DLGAP2: variants seen among roughly 807,000 people sequenced by gnomAD.
DLGAP2 encodes the protein DLG associated protein 2.
DLGAP2 carries 26 observed loss-of-function variants against 100.3 expected under a neutral mutation model. That is an observed-to-expected ratio of 0.26 (90% confidence interval 0.19 to 0.36). The LOEUF (loss-of-function observed/expected upper bound fraction) is 0.36. DLGAP2 is among the 10% of genes least tolerant of loss of function. The pLI, the probability that DLGAP2 is intolerant of heterozygous loss-of-function variation, is 1.00. For synonymous variants in DLGAP2, 886 were observed against 630.1 expected, an observed-to-expected ratio of 1.41 and a Z score of -6.08; for missense variants, 1,858 against 1,453.2, an observed-to-expected ratio of 1.28 and a Z score of -4.53.
At chr8:961,034 C>A (rs926156986) in intron 2 of DLGAP2, among the ~76,000 whole-genome samples, 16 of 149,628 alleles carry the variant, frequency 1.1e-4, no homozygotes, top group Admixed American at 6.0e-4. Context: ...TCTGCACAGA[C>A]CCCCATGTTG....
intron 1 of DLGAP2, among the ~76,000 whole-genome samples, chr8:815,591 C>A (rs767068903): frequency 1.3e-5 from 2 of 152,256 alleles, no homozygotes; most frequent in South Asian, 4.1e-4. Flanking sequence ...AGGATAACAG[C>A]AAAATCCTAA....
chr8:914,221 G>A (rs1039199467), intron 2 of DLGAP2, among the ~76,000 whole-genome samples: 1 of 152,136 alleles, frequency 6.6e-6, no homozygotes, highest in Non-Finnish European at 1.5e-5. Context: ...GGGCTGAGCT[G>A]GAGGGAGGAA....
chr8:1,380,220 C>G (rs1190221916), intron 3 of DLGAP2: 2 of 152,218 alleles, frequency 1.3e-5, no homozygotes, highest in Non-Finnish European at 2.9e-5. Flanking sequence ...TCTCTCAGCA[C>G]TTCAGGCAGC....
At position 1,212,867 on chromosome 8, in the gene DLGAP2, A is replaced by G. The variant is rs953723529; in HGVS notation, c.74-45984A>G. Among the ~76,000 whole-genome samples the G allele has an allele frequency of 1.3e-4, 20 of 149,996 alleles. 1 individual carries two copies. Among genetic ancestry groups the G allele is most frequent in the Admixed American group, 9.5e-4 (14 of 14,756 alleles). On this transcript the variant is annotated intron_variant, in intron 2 of 14. Coordinates refer to ENST00000637795, the MANE Select transcript of DLGAP2 (RefSeq NM_001346810.2). Reference sequence around the variant, plus strand: ...TATATGTACTCATCTTCTCAAAAACATCACATATCTCTTAGTTTATACAAC... The same window carrying G: ...TATATGTACTCATCTTCTCAAAAACGTCACATATCTCTTAGTTTATACAAC...
chr8:1,257,201 C>T (rs1799243270), intron 2 of DLGAP2, among the ~76,000 whole-genome samples: 1 of 152,114 alleles, frequency 6.6e-6, no homozygotes, highest in Non-Finnish European at 1.5e-5. Flanking sequence ...CACCAACCCT[C>T]TCCCGCTCAC....
chr8:1,337,456 G>T (rs1361654677), intron 3 of DLGAP2, among the ~76,000 whole-genome samples: 6 of 2,268 alleles, frequency 2.6e-3, no homozygotes, highest in East Asian at 9.6e-3. Flanking sequence ...GGTGATGATG[G>T]TGAGAATGGT....
intron 5 of DLGAP2, 98 bp downstream of exon 5, chr8:1,549,781 T>G: frequency 7.8e-7 from 1 of 1,281,890 alleles, no homozygotes; most frequent in Non-Finnish European, 1.0e-6. Flanking sequence ...GCATACACAT[T>G]TAGGTTGTGC....
intron 3 of DLGAP2, among the ~76,000 whole-genome samples, chr8:1,373,221 C>T (rs1371049603): frequency 6.6e-6 from 1 of 151,700 alleles, no homozygotes; most frequent in Non-Finnish European, 1.5e-5. Flanking sequence ...CAGCAAGACT[C>T]TGTGCTGGAG....
intron 2 of DLGAP2, among the ~76,000 whole-genome samples, chr8:1,257,446 C>T (rs766146450): frequency 6.6e-5 from 10 of 152,170 alleles, no homozygotes; most frequent in Non-Finnish European, 1.5e-4. Flanking sequence ...CCCCCCCGCC[C>T]CATCCTTCTG....
intron 3 of DLGAP2, among the ~76,000 whole-genome samples, chr8:1,353,994 T>G (rs897060926): frequency 4.6e-5 from 7 of 152,194 alleles, no homozygotes; most frequent in African/African-American, 1.2e-4. Context: ...ACCTAGTGCT[T>G]CTTCTATTTA....
At chr8:825,261 G>A (rs186278587) in intron 1 of DLGAP2, among the ~76,000 whole-genome samples, 1 of 152,338 alleles carries the variant, frequency 6.6e-6, no homozygotes, top group Admixed American at 6.5e-5. Context: ...ACAGCTGTTG[G>A]ATCAGGTTGT....
intron 3 of DLGAP2, 104 bp from the exon 4 acceptor site, chr8:1,501,262 C>A: frequency 1.6e-6 from 2 of 1,213,382 alleles, no homozygotes; most frequent in Non-Finnish European, 2.3e-6. Context: ...AGGTGTCTGT[C>A]ATGTTTGAAC....
intron 1 of DLGAP2, among the ~76,000 whole-genome samples, chr8:900,814 G>C (rs1420696309): frequency 6.6e-6 from 1 of 152,128 alleles, no homozygotes; most frequent in Non-Finnish European, 1.5e-5. Flanking sequence ...CCAGGAAGTA[G>C]AACAAAAACA....
At chr8:757,848 T>C (rs1454735656) in intron 1 of DLGAP2, among the ~76,000 whole-genome samples, 1 of 152,216 alleles carries the variant, frequency 6.6e-6, no homozygotes, top group Non-Finnish European at 1.5e-5. Flanking sequence ...TCGTGTATTT[T>C]AAACAGGAAT....
intron 3 of DLGAP2, among the ~76,000 whole-genome samples, chr8:1,352,869 G>A (rs1427722509): frequency 6.6e-6 from 1 of 152,174 alleles, no homozygotes; most frequent in Non-Finnish European, 1.5e-5. Context: ...CTGGAGGAAG[G>A]AGAGAGAAGG....
At chr8:1,681,922 C>CA (rs1798958939) in intron 12 of DLGAP2, among the ~76,000 whole-genome samples, 1 of 147,806 alleles carries the variant, frequency 6.8e-6, no homozygotes, top group African/African-American at 2.7e-5. Context: ...GAGTCACGGC[C>CA]CTCTGACGTT....
intron 2 of DLGAP2, among the ~76,000 whole-genome samples, chr8:1,205,069 G>A (rs1331211905): frequency 6.6e-6 from 1 of 152,218 alleles, no homozygotes; most frequent in Non-Finnish European, 1.5e-5. Context: ...GAACCGGAAT[G>A]TGGTTGGGTT....
intron 1 of DLGAP2, among the ~76,000 whole-genome samples, chr8:774,373 T>G (rs984211015): frequency 1.3e-5 from 2 of 152,252 alleles, no homozygotes; most frequent in South Asian, 2.1e-4. Context: ...TTTGTCAATT[T>G]TGGCTTTTGT....
Position 1,380,615 on chromosome 8 carries a change from G to A in DLGAP2, c.107-120751G>A, listed in dbSNP as rs868831279. Among the ~76,000 whole-genome samples, 6 of 152,054 alleles carry A rather than the reference G, an allele frequency of 3.9e-5. No homozygotes were observed. The South Asian group carries it at 6.2e-4, about 16-fold the overall frequency. On this transcript the variant is annotated intron_variant, in intron 3 of 14. Coordinates refer to ENST00000637795, the MANE Select transcript of DLGAP2 (RefSeq NM_001346810.2). ...ACATGAAGGATCAGCATGAACACCCGACCACATCTTACTCCAAATTGCTTC... is the reference window on the plus strand; with the variant it reads ...ACATGAAGGATCAGCATGAACACCCAACCACATCTTACTCCAAATTGCTTC...
Sources: gnomAD v4.1 joint callset for allele counts (sites outside exome capture counted in the v4.1 genomes callset) on GRCh38, gnomAD v4.1.1 for gene constraint, MANE v1.5 for transcripts, NCBI Gene and HGNC (gene_info 2026-07-23, HGNC 2026-07-21) for gene names.